RAB11FIP4: variants seen among roughly 807,000 people sequenced by gnomAD.
RAB11FIP4 encodes the protein rab11 family-interacting protein 4.
In RAB11FIP4, 23 loss-of-function variants were observed where a neutral mutation model predicts 74.3. The observed-to-expected ratio is 0.31, with a 90% CI of 0.22 to 0.44. RAB11FIP4 has a LOEUF of 0.44. Among genes scored for constraint, RAB11FIP4 ranks in the 20% least tolerant of loss-of-function variants. The probability of loss-of-function intolerance (pLI) is 1.00; values close to 1 mark genes in which losing one functional copy is unlikely to be tolerated. For missense variants in RAB11FIP4, 630 were observed against 863.9 expected (o/e 0.73, Z 3.39); for synonymous variants, 360 against 359.9 (o/e 1.00, Z 0.00).
intron 3 of RAB11FIP4, among the ~76,000 whole-genome samples, chr17:31,445,578 ATTTTTTTTTT>A (rs61393689): frequency 0.02 from 318 of 16,056 alleles, no homozygotes; most frequent in Middle Eastern, 0.045. Flanking sequence ...ATATATATAT[ATTTTTTTTTT>A]TTTTTTTTTT....
At chr17:31,464,261 T>C (rs188979756) in intron 3 of RAB11FIP4, among the ~76,000 whole-genome samples, 5 of 151,264 alleles carry the variant, frequency 3.3e-5, no homozygotes, top group African/African-American at 1.2e-4. Context: ...AAGTTGGCCA[T>C]GCCGGCCAAC....
intron 3 of RAB11FIP4, among the ~76,000 whole-genome samples, chr17:31,459,140 C>T (rs1360991362): frequency 1.3e-5 from 2 of 152,080 alleles, no homozygotes; most frequent in Admixed American, 1.3e-4. Context: ...TCTAGTATTG[C>T]CTACACCCCC....
At chr17:31,525,405 C>A in intron 10 of RAB11FIP4, 175 bp downstream of exon 10, 1 of 655,528 alleles carries the variant, frequency 1.5e-6, no homozygotes, top group Non-Finnish European at 2.6e-6. Context: ...CAGAGGCATG[C>A]TCTTCAGGAA....
intron 3 of RAB11FIP4, among the ~76,000 whole-genome samples, chr17:31,511,556 C>G (rs2142793524): frequency 6.6e-6 from 1 of 152,324 alleles, no homozygotes; most frequent in African/African-American, 2.4e-5. Context: ...CATGTAAATC[C>G]CCATAGCTAC....
intron 1 of RAB11FIP4, among the ~76,000 whole-genome samples, chr17:31,422,068 G>A (rs958184972): frequency 2.0e-5 from 3 of 152,008 alleles, no homozygotes; most frequent in Non-Finnish European, 2.9e-5. Context: ...CCAGCTACTC[G>A]GGAGGCTGAG....
rs1351710523 is a variant in RAB11FIP4, at chr17:31,537,292, C to G, written c.*5560C>G. ...TGAGGCCAGCTCTCCCGGGCACATT[C>G]GTCCACAAGGATCAGGCCCCACTTA... On this transcript the variant is annotated 3_prime_UTR_variant, in exon 15 of 15. Transcript: ENST00000621161. 1 of 398,534 alleles carries G rather than the reference C, an allele frequency of 2.5e-6. No individual in the cohort carries two copies. Among genetic ancestry groups the G allele is most frequent in the Non-Finnish European group, 4.4e-6 (1 of 226,096 alleles). The allele number at this position is 398,534 out of a possible 1,614,324, so 24.7% of individuals were successfully genotyped here.
intron 3 of RAB11FIP4, among the ~76,000 whole-genome samples, chr17:31,439,636 A>T (rs140293977): frequency 2.6e-5 from 4 of 152,248 alleles, no homozygotes; most frequent in African/African-American, 9.6e-5. Context: ...TTTTTGAGGC[A>T]GTCTCGCTCT....
chr17:31,498,012 C>G lies in RAB11FIP4; in HGVS notation c.337-19639C>G, dbSNP rs35027823. ...GAGGCATTGGGGTGGGTAAAGGTGC[C>G]CAGGAGCCTGGGGTACTAGGGAAGG... On this transcript the variant is annotated intron_variant, in intron 3 of 14. Coordinates refer to ENST00000621161, the MANE Select transcript of RAB11FIP4 (RefSeq NM_032932.6). 4.4e-3 allele frequency among the ~76,000 whole-genome samples: 673 copies of G among 152,152 alleles called. 6 individuals carry two copies. The highest frequency in any genetic ancestry group is 0.031 in the South Asian group (150 of 4,816).
intron 10 of RAB11FIP4, chr17:31,526,009 G>A (rs1314230350): frequency 6.6e-6 from 1 of 152,210 alleles, no homozygotes; most frequent in Non-Finnish European, 1.5e-5. Flanking sequence ...ACTGGGAGTT[G>A]GGCTCTCAGG....
intron 3 of RAB11FIP4, among the ~76,000 whole-genome samples, chr17:31,437,987 G>A (rs1236661662): frequency 6.6e-6 from 1 of 152,182 alleles, no homozygotes; most frequent in Non-Finnish European, 1.5e-5. Context: ...TTGAGGCTTG[G>A]GAACCCCAAC....
intron 3 of RAB11FIP4, among the ~76,000 whole-genome samples, chr17:31,444,070 A>T (rs1358348672): frequency 3.9e-5 from 6 of 152,210 alleles, no homozygotes; most frequent in Admixed American, 3.9e-4. Flanking sequence ...TCTCTCTAGA[A>T]CTTGCTGGGG....
intron 1 of RAB11FIP4, among the ~76,000 whole-genome samples, chr17:31,428,858 C>T (rs554521635): frequency 2.6e-5 from 4 of 152,182 alleles, no homozygotes; most frequent in African/African-American, 9.6e-5. Context: ...GGGAGGATCC[C>T]TTGAGCCCAG....
chr17:31,426,526 A>G (rs1039095269), intron 1 of RAB11FIP4, among the ~76,000 whole-genome samples: 1 of 151,500 alleles, frequency 6.6e-6, no homozygotes, highest in Admixed American at 6.6e-5. Flanking sequence ...GGTTGATGGT[A>G]TGTATTGGTA....
At chr17:31,526,370 C>T (rs186265621) in intron 10 of RAB11FIP4, 3 of 152,276 alleles carry the variant, frequency 2.0e-5, no homozygotes, top group African/African-American at 4.8e-5. Context: ...GGGCGCCATT[C>T]GTGTAAAATA....
rs1264558237 is a variant in RAB11FIP4, at chr17:31,440,865, A to C, written c.336+6743A>C. Reference sequence around the variant, plus strand: ...GCCTTTTTGTCAAGCTCTATTGCAAATCCTGTAGGAGATCATATTTGAAAT... The same window carrying C: ...GCCTTTTTGTCAAGCTCTATTGCAACTCCTGTAGGAGATCATATTTGAAAT... On this transcript the variant is annotated intron_variant, in intron 3 of 14. Coordinates refer to ENST00000621161, the MANE Select transcript of RAB11FIP4 (RefSeq NM_032932.6). 3.9e-5 allele frequency among the ~76,000 whole-genome samples: 6 copies of C among 152,300 alleles called. No individual in the cohort carries two copies. The East Asian group carries it at 1.2e-3, about 29-fold the overall frequency.
At chr17:31,514,757 C>T (rs560943597) in intron 3 of RAB11FIP4, among the ~76,000 whole-genome samples, 33 of 152,322 alleles carry the variant, frequency 2.2e-4, no homozygotes, top group South Asian at 2.1e-4. Context: ...TTCTGGTCTC[C>T]CTCCTGCCTT....
intron 3 of RAB11FIP4, among the ~76,000 whole-genome samples, chr17:31,445,107 C>T (rs1205603354): frequency 1.3e-5 from 2 of 152,136 alleles, no homozygotes; most frequent in Non-Finnish European, 2.9e-5. Context: ...AGTTTATAAA[C>T]CTCTGAGGGC....
Position 31,521,349 on chromosome 17 carries a change from G to A in RAB11FIP4, c.747G>A (p.Ser249=), listed in dbSNP as rs762339359. The change falls in exon 5 of 15, where the codon TCG becomes TCA. Residue 249 remains serine (S), a synonymous_variant. Coordinates refer to ENST00000621161, the MANE Select transcript of RAB11FIP4 (RefSeq NM_032932.6). ...RTNVYSDLGS[S]VSSSAGQTPR... is the part of the protein sequence containing the mutation. ...ACGTCTACTCGGACCTGGGGTCTTC[G>A]GTGTCTTCCAGGTGGCCCCTTGGTC... The A allele has an allele frequency of 1.1e-5, 17 of 1,603,202 alleles. No individual in the cohort carries two copies. Among genetic ancestry groups the A allele is most frequent in the East Asian group, 2.2e-5 (1 of 44,568 alleles).
chr17:31,446,025 CT>C (rs577142527), intron 3 of RAB11FIP4, among the ~76,000 whole-genome samples: 1 of 148,250 alleles, frequency 6.7e-6, no homozygotes, highest in Non-Finnish European at 1.5e-5. Context: ...TTCTTTCTTT[CT>C]ATTTTTTTCT....
Sources: allele counts gnomAD v4.1 joint callset (sites outside exome capture counted in the v4.1 genomes callset), GRCh38; gene constraint gnomAD v4.1.1; transcripts MANE v1.5; gene names NCBI Gene and HGNC (gene_info 2026-07-23, HGNC 2026-07-21).